CTNNA3: variants seen among roughly 807,000 people sequenced by gnomAD.
CTNNA3 encodes the protein catenin alpha-3.
In CTNNA3, 76 loss-of-function variants were observed where a neutral mutation model predicts 95.7. The ratio of observed to expected loss-of-function variants is 0.79; its 90% CI spans 0.66 to 0.96. CTNNA3 has a LOEUF of 0.96. Among genes scored for constraint, CTNNA3 ranks in the 40% least tolerant of loss-of-function variants. The pLI, the probability that CTNNA3 is intolerant of heterozygous loss-of-function variation, is 0.00. For synonymous variants in CTNNA3, 431 were observed against 374.4 expected, an observed-to-expected ratio of 1.15 and a Z score of -1.74; for missense variants, 1,191 against 1,089.8, an observed-to-expected ratio of 1.09 and a Z score of -1.31.
intron 9 of CTNNA3, among the ~76,000 whole-genome samples, chr10:66,654,621 T>C (rs1191169552): frequency 6.6e-6 from 1 of 152,074 alleles, no homozygotes; most frequent in Non-Finnish European, 1.5e-5. Context: ...CCAAATGGTA[T>C]GAAATTAGTA....
At chr10:66,555,682 GAGA>G (rs1393136463) in intron 10 of CTNNA3, among the ~76,000 whole-genome samples, 1 of 151,868 alleles carries the variant, frequency 6.6e-6, no homozygotes, top group African/African-American at 2.4e-5. Flanking sequence ...TTCTCTTCAT[GAGA>G]AGTTTAGTCC....
intron 1 of CTNNA3, among the ~76,000 whole-genome samples, chr10:67,701,658 C>T (rs904953638): frequency 6.6e-6 from 1 of 152,238 alleles, no homozygotes; most frequent in East Asian, 1.9e-4. Context: ...CCGGTACCAG[C>T]TGCTGCAAAT....
chr10:66,003,029 T>G (rs1589236401), intron 15 of CTNNA3, among the ~76,000 whole-genome samples: 1 of 152,082 alleles, frequency 6.6e-6, no homozygotes, highest in Non-Finnish European at 1.5e-5. Flanking sequence ...ATGGGAAAAA[T>G]TGAGAAAGAA....
intron 15 of CTNNA3, among the ~76,000 whole-genome samples, chr10:66,036,669 T>C (rs533126635): frequency 6.6e-6 from 1 of 151,930 alleles, no homozygotes; most frequent in African/African-American, 2.4e-5. Context: ...AGCCACCACG[T>C]CCAGCTTGCC....
intron 12 of CTNNA3, among the ~76,000 whole-genome samples, chr10:66,358,852 T>C (rs1406008577): frequency 6.6e-6 from 1 of 152,216 alleles, no homozygotes; most frequent in African/African-American, 2.4e-5. Context: ...TCTTACATCT[T>C]CTACCTGGTC....
chr10:67,702,594 A>C (rs559163422), intron 1 of CTNNA3, among the ~76,000 whole-genome samples: 28 of 152,386 alleles, frequency 1.8e-4, no homozygotes, highest in African/African-American at 6.7e-4. Flanking sequence ...CAAAGACACA[A>C]CATGCCAGAA....
chr10:67,076,480 T>C (rs1925606), intron 7 of CTNNA3, among the ~76,000 whole-genome samples: 7,695 of 152,264 alleles, frequency 0.051, 631 homozygotes, highest in African/African-American at 0.17. Context: ...TCTCCAAGAA[T>C]CTATTTCCAG....
At chr10:67,175,071 C>CA (rs11453660) in intron 7 of CTNNA3, among the ~76,000 whole-genome samples, 35,637 of 65,880 alleles carry the variant, frequency 0.54, 8,790 homozygotes, top group African/African-American at 0.75. Flanking sequence ...CAGTCCATGC[C>CA]AAAAAAAAAA....
intron 11 of CTNNA3, among the ~76,000 whole-genome samples, chr10:66,405,563 A>G (rs903507231): frequency 1.3e-5 from 2 of 152,162 alleles, no homozygotes; most frequent in Non-Finnish European, 2.9e-5. Context: ...CTTCTCTTAT[A>G]TATGAGTAAT....
chr10:67,431,165 T>A (rs529408908), intron 5 of CTNNA3, among the ~76,000 whole-genome samples: 1 of 152,082 alleles, frequency 6.6e-6, no homozygotes, highest in East Asian at 1.9e-4. Context: ...ACTAATGGAC[T>A]ATATTAATTT....
chr10:67,440,886 C>A (rs768129551), intron 5 of CTNNA3, among the ~76,000 whole-genome samples: 1 of 151,938 alleles, frequency 6.6e-6, no homozygotes, highest in Non-Finnish European at 1.5e-5. Flanking sequence ...CTTCAATGCC[C>A]AGACACTGAC....
chr10:66,897,364 C>T (rs1845541518), intron 7 of CTNNA3, among the ~76,000 whole-genome samples: 1 of 152,014 alleles, frequency 6.6e-6, no homozygotes, highest in Non-Finnish European at 1.5e-5. Flanking sequence ...ATAAGTTACA[C>T]TTCTCCAAAT....
At position 66,489,419 on chromosome 10, in the gene CTNNA3, T is replaced by C. The variant is rs568121649; in HGVS notation, c.1531+31198A>G. Among the ~76,000 whole-genome samples, 231 of 151,968 alleles carry C rather than the reference T, an allele frequency of 1.5e-3. 3 individuals are homozygous for C. Among genetic ancestry groups the C allele is most frequent in the Non-Finnish European group, 1.9e-3 (131 of 67,946 alleles). On this transcript the variant is annotated intron_variant, in intron 11 of 17. Coordinates refer to ENST00000433211, the MANE Select transcript of CTNNA3 (RefSeq NM_013266.4). ...TTGTAACTCATGAAAATAGATATCA[T>C]GGAAGAAGAAAAAATAAAGGAATGG... is the stretch of plus-strand genomic sequence containing the variant.
chr10:66,454,125 A>G (rs2093481166), intron 11 of CTNNA3, among the ~76,000 whole-genome samples: 6 of 152,194 alleles, frequency 3.9e-5, no homozygotes, highest in Admixed American at 3.3e-4. Flanking sequence ...CAAGGAGCAC[A>G]CAAAAGTGGG....
chr10:66,417,175 T>A (rs556864668), intron 11 of CTNNA3, among the ~76,000 whole-genome samples: 95 of 152,144 alleles, frequency 6.2e-4, no homozygotes, highest in African/African-American at 2.3e-3. Context: ...TCCTATAGAC[T>A]GAGAGTAAAT....
At position 66,967,299 on chromosome 10, in the gene CTNNA3, T is replaced by C. The variant is rs1038964005; in HGVS notation, c.1048-191775A>G. Among the ~76,000 whole-genome samples, 63 of 151,694 alleles carry C rather than the reference T, an allele frequency of 4.2e-4. 1 individual carries two copies. Among genetic ancestry groups the C allele is most frequent in the African/African-American group, 1.4e-3 (57 of 41,342 alleles). On this transcript the variant is annotated intron_variant, in intron 7 of 17. Transcript: ENST00000433211. Reference sequence around the variant, plus strand: ...TCATCTGCTAGTGGATAGATATAGATATAGGTATAGATAGATATAGATATG... The same window carrying C: ...TCATCTGCTAGTGGATAGATATAGACATAGGTATAGATAGATATAGATATG...
intron 1 of CTNNA3, among the ~76,000 whole-genome samples, chr10:67,654,697 T>A (rs183518123): frequency 6.6e-6 from 1 of 152,274 alleles, no homozygotes; most frequent in East Asian, 1.9e-4. Context: ...TTTTAGAATG[T>A]GTCATCTGTT....
chr10:65,990,291 T>C (rs970479025), intron 15 of CTNNA3, among the ~76,000 whole-genome samples: 4 of 151,982 alleles, frequency 2.6e-5, no homozygotes, highest in African/African-American at 9.7e-5. Context: ...TTTAATTTTT[T>C]GAGAAATATC....
intron 7 of CTNNA3, among the ~76,000 whole-genome samples, chr10:66,933,369 A>G (rs1730520496): frequency 6.6e-6 from 1 of 152,176 alleles, no homozygotes; most frequent in Admixed American, 6.5e-5. Context: ...TAATTATCAA[A>G]CACATTGAAA....
Sources: allele counts gnomAD v4.1 joint callset (sites outside exome capture counted in the v4.1 genomes callset), GRCh38; gene constraint gnomAD v4.1.1; transcripts MANE v1.5; gene names NCBI Gene and HGNC (gene_info 2026-07-23, HGNC 2026-07-21).